AKAP6: variants seen among roughly 807,000 people sequenced by gnomAD.
AKAP6 encodes the protein A-kinase anchor protein 6.
In AKAP6, 58 loss-of-function variants were observed where a neutral mutation model predicts 188.5. That is an observed-to-expected ratio of 0.31 (90% confidence interval 0.25 to 0.38). The LOEUF (loss-of-function observed/expected upper bound fraction) is 0.38. Ranked by LOEUF, AKAP6 falls within the 10% of genes least tolerant of loss-of-function variation. AKAP6 has a pLI of 1.00. For synonymous variants in AKAP6, 989 were observed against 998.6 expected, an observed-to-expected ratio of 0.99 and a Z score of 0.18; for missense variants, 2,710 against 2,740.0, an observed-to-expected ratio of 0.99 and a Z score of 0.24.
intron 11 of AKAP6, among the ~76,000 whole-genome samples, chr14:32,737,944 A>AT (rs2031504056): frequency 6.6e-6 from 1 of 152,156 alleles, no homozygotes; most frequent in Admixed American, 6.6e-5. Flanking sequence ...ATTGTGGAAC[A>AT]TTTTCCTTTT....
At chr14:32,549,411 A>G (rs1883353188) in intron 4 of AKAP6, among the ~76,000 whole-genome samples, 1 of 152,228 alleles carries the variant, frequency 6.6e-6, no homozygotes, top group African/African-American at 2.4e-5. Context: ...CGTTTCAGGT[A>G]GGAGGAGCAT....
chr14:32,486,274 G>T (rs1280879850), intron 2 of AKAP6, among the ~76,000 whole-genome samples: 1 of 103,956 alleles, frequency 9.6e-6, no homozygotes, highest in East Asian at 3.6e-4. Flanking sequence ...TGTTCTTTTT[G>T]CTTAGGATTG....
At chr14:32,534,989 C>CAAAA (rs10707758) in intron 2 of AKAP6, among the ~76,000 whole-genome samples, 1 of 101,996 alleles carries the variant, frequency 9.8e-6, no homozygotes, top group African/African-American at 3.2e-5. Context: ...AAAAACAAAC[C>CAAAA]AAAAAAAAAA....
chr14:32,649,815 T>G (rs980823817), intron 7 of AKAP6, among the ~76,000 whole-genome samples: 1 of 152,196 alleles, frequency 6.6e-6, no homozygotes, highest in Non-Finnish European at 1.5e-5. Context: ...GGTTGATCAC[T>G]AAGCTAGATT....
chr14:32,695,354 A>G (rs1463536919), intron 8 of AKAP6, among the ~76,000 whole-genome samples: 2 of 152,214 alleles, frequency 1.3e-5, no homozygotes, highest in East Asian at 3.8e-4. Context: ...CAATAAATGT[A>G]GGATATATGT....
intron 7 of AKAP6, among the ~76,000 whole-genome samples, chr14:32,659,115 A>C (rs1212324481): frequency 6.6e-6 from 1 of 152,098 alleles, no homozygotes; most frequent in African/African-American, 2.4e-5. Context: ...TATTGACTAA[A>C]GTGGATATGA....
At chr14:32,363,490 C>G (rs1887729964) in intron 1 of AKAP6, among the ~76,000 whole-genome samples, 1 of 152,206 alleles carries the variant, frequency 6.6e-6, no homozygotes, top group African/African-American at 2.4e-5. Flanking sequence ...AATAGTGCAG[C>G]CTTCAGTCTG....
rs139631373 is a variant in AKAP6 at position 32,551,123 on chromosome 14, A to G, written c.2346+4124A>G. 1.4e-3 allele frequency among the ~76,000 whole-genome samples: 220 copies of G among 152,192 alleles called. 1 individual carries two copies. Among genetic ancestry groups the G allele is most frequent in the Non-Finnish European group, 2.6e-3 (178 of 68,002 alleles). ...TGCTCACTACACTCCCTTTCCTAGA[A>G]CATACTTGGCATGCTTCTTGCCTTT... On this transcript the variant is annotated intron_variant, in intron 4 of 13. Coordinates refer to ENST00000280979, the MANE Select transcript of AKAP6 (RefSeq NM_004274.5).
chr14:32,521,846 T>C (rs1773007504), intron 2 of AKAP6, among the ~76,000 whole-genome samples: 1 of 152,156 alleles, frequency 6.6e-6, no homozygotes, highest in Non-Finnish European at 1.5e-5. Flanking sequence ...TACTTTAAAG[T>C]TCATGTGCAA....
intron 4 of AKAP6, among the ~76,000 whole-genome samples, chr14:32,555,280 T>C (rs1356533580): frequency 6.6e-6 from 1 of 152,090 alleles, no homozygotes. Context: ...TGGTGGTTAG[T>C]ACCTGTGTAT....
Position 32,404,691 on chromosome 14 carries a change from G to GATAGATAGATAGATATAT in AKAP6, c.-34-28766_-34-28765insGATAGATAGATATATATA. Among the ~76,000 whole-genome samples the GATAGATAGATAGATATAT allele has an allele frequency of 4.5e-5, 2 of 44,438 alleles. 1 individual carries two copies. The highest frequency in any genetic ancestry group is 1.4e-4 in the African/African-American group (2 of 13,978). 29.2% of individuals were successfully genotyped at this position (44,438 alleles called of 152,430 possible). ...AGAGTGGGGTTATGAGGAGTCAGGA[G>GATAGATAGATAGATATAT]ATATATATATATATATATATTAGTC... is the stretch of plus-strand genomic sequence containing the variant. On this transcript the variant is annotated intron_variant, in intron 1 of 13. Coordinates refer to ENST00000280979, the MANE Select transcript of AKAP6 (RefSeq NM_004274.5).
chr14:32,628,641 C>T (rs7146517), intron 7 of AKAP6, among the ~76,000 whole-genome samples: 94,236 of 151,810 alleles, frequency 0.62, 30,370 homozygotes, highest in East Asian at 0.94. Flanking sequence ...TAGATTTGCA[C>T]GCATTTGCCA....
intron 1 of AKAP6, among the ~76,000 whole-genome samples, chr14:32,361,199 A>G (rs1431293443): frequency 1.3e-5 from 2 of 151,914 alleles, no homozygotes; most frequent in Non-Finnish European, 2.9e-5. Flanking sequence ...GAATGTGGCA[A>G]ATGAACTCTG....
At chr14:32,593,771 A>T (rs1484286581) in intron 5 of AKAP6, among the ~76,000 whole-genome samples, 1 of 152,190 alleles carries the variant, frequency 6.6e-6, no homozygotes, top group African/African-American at 2.4e-5. Flanking sequence ...ATCCCAGGGC[A>T]CACACTTGAG....
At position 32,545,794 on chromosome 14, in the gene AKAP6, G is replaced by A. The variant is rs963240995; in HGVS notation, c.1141G>A (p.Glu381Lys). ...CATCAGAGATTGCTTTAATTATAACGAGGACTCTCCCACGCAGCCTACATT... is the reference window on the plus strand; with the variant it reads ...CATCAGAGATTGCTTTAATTATAACAAGGACTCTCCCACGCAGCCTACATT... ...RTIRDCFNYN[E>K]DSPTQPTLPK... The change falls in exon 4 of 14, where the codon GAG becomes AAG. Residue 381 changes from glutamate (E) to lysine (K), a missense_variant. Physicochemically the swap from Glu to Lys is moderately conservative, Grantham distance 56 (BLOSUM62 1). Transcript: ENST00000280979. The A allele has an allele frequency of 3.1e-6, 5 of 1,614,176 alleles. No homozygotes were observed. The highest frequency in any genetic ancestry group is 2.2e-5 in the East Asian group (1 of 44,884).
At chr14:32,506,744 G>C (rs7154197) in intron 2 of AKAP6, among the ~76,000 whole-genome samples, 57,721 of 151,668 alleles carry the variant, frequency 0.38, 11,276 homozygotes, top group Non-Finnish European at 0.4. Flanking sequence ...TGTTAGCCAG[G>C]CTGGTCTTGA....
chr14:32,369,348 A>G (rs1566468367), intron 1 of AKAP6, among the ~76,000 whole-genome samples: 2 of 152,218 alleles, frequency 1.3e-5, no homozygotes, highest in Non-Finnish European at 2.9e-5. Context: ...CTGTTAGACA[A>G]AGTCATTAGA....
chr14:32,781,761 A>G (rs888647105), intron 12 of AKAP6, among the ~76,000 whole-genome samples: 5 of 152,208 alleles, frequency 3.3e-5, no homozygotes, highest in African/African-American at 9.7e-5. Context: ...AAAACAATCA[A>G]TGTAATTCAT....
At chr14:32,404,691 G>GATAGATATATATATATATATATATAT in intron 1 of AKAP6, among the ~76,000 whole-genome samples, 744 of 44,388 alleles carry the variant, frequency 0.017, 115 homozygotes, top group Admixed American at 0.076. Context: ...GGAGTCAGGA[G>GATAGATATATATATATATATATATAT]ATATATATAT....
Sources: gnomAD v4.1 joint callset for allele counts (sites outside exome capture counted in the v4.1 genomes callset) on GRCh38, gnomAD v4.1.1 for gene constraint, MANE v1.5 for transcripts, NCBI Gene and HGNC (gene_info 2026-07-23, HGNC 2026-07-21) for gene names.